The following EMCN variants were observed in gnomAD, a reference collection of about 807,000 sequenced individuals.
EMCN encodes MUC-14.
A neutral mutation model predicts 38.4 loss-of-function variants in EMCN; 37 were observed. That is an observed-to-expected ratio of 0.96 (90% CI 0.74 to 1.27). EMCN has a LOEUF of 1.27. EMCN is among the 50% of genes most tolerant of loss of function. EMCN has a pLI of 0.00. For missense variants in EMCN, 318 were observed against 302.8 expected, an observed-to-expected ratio of 1.05 and a Z score of -0.37; for synonymous variants, 95 against 100.8, an observed-to-expected ratio of 0.94 and a Z score of 0.35.
chr4:100,442,199 C>T (rs1560616397), intron 5 of EMCN, among the ~76,000 whole-genome samples: 2 of 152,162 alleles, frequency 1.3e-5, no homozygotes, highest in South Asian at 2.1e-4. Flanking sequence ...TCTTTCAGCT[C>T]TTTAAATATA....
intron 1 of EMCN, among the ~76,000 whole-genome samples, chr4:100,517,089 T>C (rs1729777967): frequency 6.6e-6 from 1 of 152,132 alleles, no homozygotes; most frequent in African/African-American, 2.4e-5. Flanking sequence ...TTTAACAGTT[T>C]ATTTTCAATC....
chr4:100,414,913 A>AT (rs1386821358), intron 10 of EMCN, among the ~76,000 whole-genome samples: 7 of 151,756 alleles, frequency 4.6e-5, no homozygotes, highest in Non-Finnish European at 8.8e-5. Flanking sequence ...CTATATTTTT[A>AT]TTTTTTTTAT....
intron 11 of EMCN, among the ~76,000 whole-genome samples, chr4:100,402,871 T>A (rs1398899866): frequency 6.6e-6 from 1 of 152,132 alleles, no homozygotes; most frequent in Non-Finnish European, 1.5e-5. Flanking sequence ...AGTTGGACAA[T>A]TAGTTACTAA....
intron 7 of EMCN, among the ~76,000 whole-genome samples, chr4:100,422,183 G>A (rs1360464828): frequency 1.3e-5 from 2 of 152,028 alleles, no homozygotes; most frequent in African/African-American, 4.8e-5. Flanking sequence ...TCAGGGGTGA[G>A]ACTTACTCTC....
At chr4:100,445,268 T>C (rs540999271) in intron 5 of EMCN, among the ~76,000 whole-genome samples, 1 of 152,336 alleles carries the variant, frequency 6.6e-6, no homozygotes, top group South Asian at 2.1e-4. Context: ...TCTATTTTTG[T>C]TTTATAATGT....
At chr4:100,422,822 C>CTTTTTT (rs71878999) in intron 7 of EMCN, among the ~76,000 whole-genome samples, 199 bp downstream of exon 7, 2 of 122,644 alleles carry the variant, frequency 1.6e-5, no homozygotes, top group Non-Finnish European at 3.8e-5. Flanking sequence ...TCTTTCTTTT[C>CTTTTTT]TTTTTTTTTT....
intron 1 of EMCN, among the ~76,000 whole-genome samples, chr4:100,514,240 C>T (rs976461405): frequency 1.3e-5 from 2 of 151,882 alleles, no homozygotes; most frequent in Admixed American, 6.6e-5. Context: ...CTCACTAAAC[C>T]GTCTCCTCAT....
intron 5 of EMCN, among the ~76,000 whole-genome samples, chr4:100,439,065 A>T (rs555522173): frequency 6.6e-6 from 1 of 152,068 alleles, no homozygotes; most frequent in Non-Finnish European, 1.5e-5. Context: ...ATTGGTCTGC[A>T]TTTTTCTTGT....
At position 100,473,370 on chromosome 4, in the gene EMCN, TTTGTTTTTTTTTTTTG is replaced by T. The variant is rs1463318275; in HGVS notation, c.259+1652_259+1667del. ...ATGGGCATTTCCCGTTTCGTGTTTT[TTTGTTTTTTTTTTTTG>T]TTTTTTTTTTTGCTAATGACATCAC... On this transcript the variant is annotated intron_variant, in intron 3 of 11. Coordinates refer to ENST00000296420, the MANE Select transcript of EMCN (RefSeq NM_016242.4). Among the ~76,000 whole-genome samples, 8 of 99,932 alleles carry T rather than the reference TTTGTTTTTTTTTTTTG, an allele frequency of 8.0e-5. 1 individual carries two copies. The South Asian group carries it at 1.1e-3, about 14-fold the overall frequency. 65.6% of individuals were successfully genotyped at this position (99,932 alleles called of 152,430 possible).
chr4:100,487,849 G>A (rs748030346), intron 1 of EMCN, among the ~76,000 whole-genome samples: 2 of 152,112 alleles, frequency 1.3e-5, no homozygotes, highest in African/African-American at 2.4e-5. Flanking sequence ...TGAGTCTTGG[G>A]TACTTCTTCA....
intron 2 of EMCN, 128 bp downstream of exon 2, chr4:100,479,789 G>T: frequency 1.3e-6 from 1 of 742,136 alleles, no homozygotes; most frequent in Non-Finnish European, 2.0e-6. Context: ...TTTCAAAATC[G>T]TGAAATAGCA....
chr4:100,454,593 G>A (rs1431626318), intron 4 of EMCN, among the ~76,000 whole-genome samples: 1 of 152,040 alleles, frequency 6.6e-6, no homozygotes, highest in African/African-American at 2.4e-5. Context: ...TCAAGACACT[G>A]TGAGATTTCT....
intron 11 of EMCN, among the ~76,000 whole-genome samples, chr4:100,408,037 A>T (rs972772805): frequency 6.6e-6 from 1 of 152,142 alleles, no homozygotes; most frequent in African/African-American, 2.4e-5. Flanking sequence ...CCAATGTGTT[A>T]TGAAATTCTT....
intron 1 of EMCN, among the ~76,000 whole-genome samples, chr4:100,490,789 C>T (rs1485051485): frequency 6.6e-6 from 1 of 152,152 alleles, no homozygotes; most frequent in Non-Finnish European, 1.5e-5. Flanking sequence ...CATGACTGTA[C>T]TAGGGTTCCG....
intron 1 of EMCN, among the ~76,000 whole-genome samples, chr4:100,485,457 G>A (rs1028370922): frequency 2.1e-4 from 32 of 151,880 alleles, no homozygotes; most frequent in African/African-American, 7.2e-4. Context: ...AATGGTAGGA[G>A]GGTCCCTTTT....
At chr4:100,495,905 C>G (rs148177003) in intron 1 of EMCN, among the ~76,000 whole-genome samples, 6 of 152,132 alleles carry the variant, frequency 3.9e-5, no homozygotes, top group Non-Finnish European at 7.4e-5. Context: ...ATTATTCTAT[C>G]ATTTTAAATA....
At chr4:100,496,984 C>CT (rs796478978) in intron 1 of EMCN, among the ~76,000 whole-genome samples, 86 of 148,282 alleles carry the variant, frequency 5.8e-4, no homozygotes, top group Middle Eastern at 7.0e-3. Context: ...TCTCTCTTTC[C>CT]TTTTTTTTTT....
chr4:100,454,451 G>A (rs1421162627), intron 4 of EMCN, among the ~76,000 whole-genome samples: 1 of 152,094 alleles, frequency 6.6e-6, no homozygotes, highest in African/African-American at 2.4e-5. Context: ...TAGGTATAGT[G>A]AGGGCTAATG....
chr4:100,516,042 T>C (rs746960375), intron 1 of EMCN, among the ~76,000 whole-genome samples: 5 of 152,120 alleles, frequency 3.3e-5, no homozygotes, highest in Non-Finnish European at 5.9e-5. Context: ...AGTTAACAAG[T>C]AGACTTGTTG....
Sources: allele counts gnomAD v4.1 joint callset (sites outside exome capture counted in the v4.1 genomes callset), GRCh38; gene constraint gnomAD v4.1.1; transcripts MANE v1.5; gene names NCBI Gene and HGNC (gene_info 2026-07-23, HGNC 2026-07-21).